The following B3GALNT2 variants were observed in gnomAD, a reference collection of about 807,000 sequenced individuals.
B3GALNT2 encodes the protein beta-1,3-N-acetylgalactosaminyltransferase 2, also known as UDP-GalNAc:beta-1,3-N-acetylgalactosaminyltransferase 2.
A neutral mutation model predicts 61.1 loss-of-function variants in B3GALNT2; 53 were observed. That is an observed-to-expected ratio of 0.87 (90% CI 0.70 to 1.09). The LOEUF is 1.09. Among genes scored for constraint, B3GALNT2 ranks in the 50% least tolerant of loss-of-function variants. The probability of loss-of-function intolerance (pLI) is 0.00; values close to 1 mark genes in which losing one functional copy is unlikely to be tolerated. For missense variants in B3GALNT2, 544 were observed against 623.0 expected (o/e 0.87, Z 1.35); for synonymous variants, 223 against 237.4 (o/e 0.94, Z 0.56).
chr1:235,451,275 C>T (rs1396407232), intron 11 of B3GALNT2: 1 of 152,110 alleles, frequency 6.6e-6, no homozygotes, highest in East Asian at 1.9e-4. Flanking sequence ...CAGTGCCTAC[C>T]CACAGCTTGC....
rs1291032146 is a variant in B3GALNT2 at position 235,504,284 on chromosome 1, G to T, written c.-32C>A. On this transcript the variant is annotated 5_prime_UTR_variant, in exon 1 of 12. Transcript: ENST00000366600. ...CCCCCGCCGCGAGCCGGGCTCTCCC[G>T]CGTCCCGGCGGAGAGGGAGGGGACC... 1.3e-6 allele frequency: 2 copies of T among 1,482,490 alleles called. No homozygotes were observed. Among genetic ancestry groups the T allele is most frequent in the South Asian group, 2.5e-5 (2 of 80,178 alleles). The allele number at this position is 1,482,490 out of a possible 1,614,324, so 91.8% of individuals were successfully genotyped here.
intron 5 of B3GALNT2, among the ~76,000 whole-genome samples, chr1:235,475,344 AGAATCACTTGTGAC>A (rs1684225926): frequency 6.6e-6 from 1 of 152,098 alleles, no homozygotes; most frequent in Non-Finnish European, 1.5e-5. Context: ...TCACTTGTGA[AGAATCACTTGTGAC>A]GCCCACTGAG....
Position 235,449,308 on chromosome 1 carries a change from G to A in B3GALNT2, c.*898C>T, listed in dbSNP as rs554414146. 1.3e-5 allele frequency: 2 copies of A among 158,564 alleles called. No homozygotes were observed. Among genetic ancestry groups the A allele is most frequent in the Admixed American group, 1.2e-4 (2 of 16,618 alleles). 9.8% of individuals were successfully genotyped at this position (158,564 alleles called of 1,614,324 possible). A position where few individuals can be genotyped will look rare whatever the true frequency, so the allele number is the denominator to read the frequency against. On this transcript the variant is annotated 3_prime_UTR_variant, in exon 12 of 12. Coordinates refer to ENST00000366600, the MANE Select transcript of B3GALNT2 (RefSeq NM_152490.5). ...TTTTCCCTACAATTATACCTAAGCT[G>A]AGTATATCTTCTTCTGTGATAACCA...
chr1:235,443,185 C>CATATAT (rs1553340612), downstream of B3GALNT2, among the ~76,000 whole-genome samples: 42 of 139,826 alleles, frequency 3.0e-4, no homozygotes, highest in African/African-American at 6.7e-4. Flanking sequence ...CACACACACA[C>CATATAT]ATATATATAT....
At chr1:235,484,249 T>C (rs1005307401) in intron 4 of B3GALNT2, 73 bp downstream of exon 4, 1 of 1,509,440 alleles carries the variant, frequency 6.6e-7, no homozygotes, top group Non-Finnish European at 8.8e-7. Flanking sequence ...ATCTACTTAC[T>C]GTATGTCACA....
rs533620649 is a variant in B3GALNT2 at position 235,465,651 on chromosome 1, T to C, written c.826A>G (p.Ile276Val). ...GCAAACTTACCCTGAATAGTATATATAAAACCACCTGCAACTCCCTCCACA... is the reference window on the plus strand; with the variant it reads ...GCAAACTTACCCTGAATAGTATATACAAAACCACCTGCAACTCCCTCCACA... ...EGVEGVAGGF[I>V]YTIQEGDALL... Residue 276 changes from isoleucine to valine, a missense_variant, in exon 7 of 12, where the codon ATA becomes GTA. Transcript: ENST00000366600. The C allele has an allele frequency of 3.1e-6, 5 of 1,614,070 alleles. No homozygotes were observed. In the East Asian group the frequency reaches 6.7e-5, roughly 22 times the overall value.
rs1468496020 is a variant in B3GALNT2 at position 235,449,399 on chromosome 1, T to G, written c.*807A>C. The G allele has an allele frequency of 1.3e-5, 2 of 153,176 alleles. No individual in the cohort carries two copies. The highest frequency in any genetic ancestry group is 2.9e-5 in the Non-Finnish European group (2 of 68,762). 9.5% of individuals were successfully genotyped at this position (153,176 alleles called of 1,614,324 possible). On this transcript the variant is annotated 3_prime_UTR_variant, in exon 12 of 12. Coordinates refer to ENST00000366600, the MANE Select transcript of B3GALNT2 (RefSeq NM_152490.5). ...AATGATAGGAGGAAAGCAAAACTAA[T>G]TCTTTCAAAATGTCAACAAAATTTA...
chr1:235,446,829 C>T (rs539001401), downstream of B3GALNT2, among the ~76,000 whole-genome samples: 135 of 151,722 alleles, frequency 8.9e-4, no homozygotes, highest in African/African-American at 2.9e-3. Flanking sequence ...GGACTAGAGG[C>T]GTACATCGCT....
At position 235,480,079 on chromosome 1, in the gene B3GALNT2, G is replaced by A; in HGVS notation, c.626C>T (p.Pro209Leu). The change falls in exon 5 of 12, where the codon CCC becomes CTC. Residue 209 changes from proline to leucine, a missense_variant. Physicochemically the swap from Pro to Leu is moderately conservative, Grantham distance 98. Transcript: ENST00000366600. ...CTCTGGTAAGATGAATTGTTCCACG[G>A]GCTTGTACCACAGCTTGTTCACCTG... is the stretch of plus-strand genomic sequence containing the variant. The part of the protein sequence containing the change: ...GVQVNKLWYK[P>L]VEQFILPESF... 6.2e-7 allele frequency: 1 copy of A among 1,613,872 alleles called. No homozygotes were observed. Among genetic ancestry groups the A allele is most frequent in the Non-Finnish European group, 8.5e-7 (1 of 1,179,840 alleles).
At position 235,449,096 on chromosome 1, in the gene B3GALNT2, A is replaced by G; in HGVS notation, c.*1110T>C. On this transcript the variant is annotated 3_prime_UTR_variant, in exon 12 of 12. Transcript: ENST00000366600. ...TCTGAACACAGTTAATATCTGTCAT[A>G]AGACTAGTTTTAATGGAATTCTCTA... The G allele has an allele frequency of 3.3e-6, 1 of 303,024 alleles. No homozygotes were observed. Among genetic ancestry groups the G allele is most frequent in the Non-Finnish European group, 6.4e-6 (1 of 156,930 alleles). The allele number at this position is 303,024 out of a possible 1,614,324, so 18.8% of individuals were successfully genotyped here. A position where few individuals can be genotyped will look rare whatever the true frequency, so the allele number is the denominator to read the frequency against.
intron 6 of B3GALNT2, among the ~76,000 whole-genome samples, chr1:235,466,459 C>T (rs1370853048): frequency 6.6e-6 from 1 of 152,144 alleles, no homozygotes; most frequent in Non-Finnish European, 1.5e-5. Flanking sequence ...AACATACAAT[C>T]TTCCCATCTC....
Position 235,466,364 on chromosome 1 carries a change from C to T in B3GALNT2, c.763-650G>A, listed in dbSNP as rs180880888. On this transcript the variant is annotated intron_variant, in intron 6 of 11. Coordinates refer to ENST00000366600, the MANE Select transcript of B3GALNT2 (RefSeq NM_152490.5). Reference sequence around the variant, plus strand: ...GATTACAGGCGTGAGCCACCACACCCGGCCTAATTTCATTTTACAGACAGG... The same window carrying T: ...GATTACAGGCGTGAGCCACCACACCTGGCCTAATTTCATTTTACAGACAGG... Among the ~76,000 whole-genome samples the T allele has an allele frequency of 3.2e-4, 48 of 152,006 alleles. 1 individual carries two copies. The East Asian group carries it at 8.3e-3, about 26-fold the overall frequency.
chr1:235,500,833 A>C (rs1305133882), intron 1 of B3GALNT2, among the ~76,000 whole-genome samples: 1 of 152,206 alleles, frequency 6.6e-6, no homozygotes, highest in East Asian at 1.9e-4. Context: ...AGTCTATGAG[A>C]TCATCATCTT....
chr1:235,459,017 C>T (rs567700949), intron 7 of B3GALNT2, among the ~76,000 whole-genome samples: 2 of 152,158 alleles, frequency 1.3e-5, no homozygotes, highest in South Asian at 4.2e-4. Context: ...AAAATGTGTA[C>T]ACCTTATGGT....
intron 4 of B3GALNT2, among the ~76,000 whole-genome samples, chr1:235,483,250 G>A (rs1294211826): frequency 6.6e-6 from 1 of 152,152 alleles, no homozygotes; most frequent in Non-Finnish European, 1.5e-5. Context: ...AAAATGAACA[G>A]TCTTGTGATC....
Position 235,478,649 on chromosome 1 carries a change from G to C in B3GALNT2, c.651+1405C>G, listed in dbSNP as rs566422890. On this transcript the variant is annotated intron_variant, in intron 5 of 11. Coordinates refer to ENST00000366600, the MANE Select transcript of B3GALNT2 (RefSeq NM_152490.5). ...GTCTTTTCCATAACACCGAAAAATT[G>C]AAACTCTATCAACACCCAAATACAG... 7.2e-5 allele frequency among the ~76,000 whole-genome samples: 11 copies of C among 152,272 alleles called. No homozygotes were observed. The South Asian group carries it at 2.3e-3, about 32-fold the overall frequency.
chr1:235,465,780 G>T, intron 6 of B3GALNT2, 66 bp from the exon 7 acceptor site: 1 of 1,575,946 alleles, frequency 6.3e-7, no homozygotes, highest in South Asian at 1.1e-5. Flanking sequence ...TTTTAAAATC[G>T]ATTTGACAAA....
At chr1:235,465,333 G>T in intron 7 of B3GALNT2, 1 of 266,356 alleles carries the variant, frequency 3.8e-6, no homozygotes. Flanking sequence ...CCATTTATGT[G>T]AAATGTTCAA....
At chr1:235,446,925 T>TCTGC (rs916404725), downstream of B3GALNT2, among the ~76,000 whole-genome samples, 2 of 152,098 alleles carry the variant, frequency 1.3e-5, no homozygotes, top group African/African-American at 4.8e-5. Flanking sequence ...CTCTGATCCC[T>TCTGC]CTGCCTCCCA....
Sources: allele counts gnomAD v4.1 joint callset (sites outside exome capture counted in the v4.1 genomes callset), GRCh38; gene constraint gnomAD v4.1.1; transcripts MANE v1.5; gene names NCBI Gene and HGNC (gene_info 2026-07-23, HGNC 2026-07-21).